The following DGKG variants were observed in gnomAD, a reference collection of about 807,000 sequenced individuals.
DGKG encodes the protein DAG kinase gamma.
A neutral mutation model predicts 105.3 loss-of-function variants in DGKG; 78 were observed. That is an observed-to-expected ratio of 0.74 (90% CI 0.62 to 0.89). The LOEUF is 0.89. DGKG is among the 40% of genes least tolerant of loss of function. DGKG has a pLI of 0.00. For missense variants in DGKG, 958 were observed against 1,020.1 expected (o/e 0.94, Z 0.83); for synonymous variants, 346 against 367.1 (o/e 0.94, Z 0.66).
At chr3:186,166,670 A>G (rs1393512573) in intron 22 of DGKG, among the ~76,000 whole-genome samples, 1 of 151,508 alleles carries the variant, frequency 6.6e-6, no homozygotes, top group Non-Finnish European at 1.5e-5. Flanking sequence ...AGACAGAGAG[A>G]AGGAGGAGGG....
intron 1 of DGKG, among the ~76,000 whole-genome samples, chr3:186,346,064 C>A (rs1282207275): frequency 6.6e-6 from 1 of 152,196 alleles, no homozygotes; most frequent in Non-Finnish European, 1.5e-5. Flanking sequence ...CTGCCCCTCA[C>A]CTTGTATACA....
chr3:186,234,264 G>T (rs1010520085), intron 20 of DGKG, among the ~76,000 whole-genome samples: 4 of 152,174 alleles, frequency 2.6e-5, no homozygotes, highest in African/African-American at 4.8e-5. Flanking sequence ...TCCAGATTCA[G>T]CCTTTTGCTC....
chr3:186,298,241 C>A lies in DGKG; in HGVS notation c.145-12G>T, dbSNP rs1432263658. The A allele has an allele frequency of 1.3e-6, 2 of 1,571,718 alleles. No individual in the cohort carries two copies. The highest frequency in any genetic ancestry group is 2.4e-5 in the South Asian group (2 of 84,554). On this transcript the variant is annotated splice_polypyrimidine_tract_variant and intron_variant, in intron 3 of 24. Coordinates refer to ENST00000265022, the MANE Select transcript of DGKG (RefSeq NM_001346.3). The stretch of plus-strand genomic sequence containing the variant: ...TCATAGCTAATCGGCTGAGAAGGGG[C>A]AAAAGGGCAAAGTCAGTGGAGAGAA...
intron 22 of DGKG, among the ~76,000 whole-genome samples, chr3:186,181,154 G>C (rs1222160503): frequency 6.6e-6 from 1 of 152,220 alleles, no homozygotes; most frequent in Non-Finnish European, 1.5e-5. Flanking sequence ...TTATATGCCT[G>C]TCTGTGGGGT....
intron 1 of DGKG, among the ~76,000 whole-genome samples, chr3:186,357,767 G>A (rs73182216): frequency 0.15 from 23,539 of 152,160 alleles, 2,394 homozygotes; most frequent in African/African-American, 0.29. Context: ...AGTGGAAAAC[G>A]AGACAGACAT....
At chr3:186,189,060 G>T (rs144102719) in intron 21 of DGKG, among the ~76,000 whole-genome samples, 2,475 of 152,138 alleles carry the variant, frequency 0.016, 72 homozygotes, top group African/African-American at 0.057. Flanking sequence ...TGATCCGCCC[G>T]CCTCAGCCTC....
At chr3:186,274,849 C>T (rs948951611) in intron 10 of DGKG, among the ~76,000 whole-genome samples, 1 of 152,020 alleles carries the variant, frequency 6.6e-6, no homozygotes, top group South Asian at 2.1e-4. Flanking sequence ...AATAAACATA[C>T]GTGTGCATGT....
intron 20 of DGKG, among the ~76,000 whole-genome samples, chr3:186,214,500 G>GATATTAT (rs1402732868): frequency 1.3e-5 from 2 of 152,032 alleles, no homozygotes; most frequent in African/African-American, 2.4e-5. Flanking sequence ...TGTAGCTATA[G>GATATTAT]ATATTATATA....
At chr3:186,320,316 T>C in intron 2 of DGKG, 77 bp downstream of exon 2, 1 of 1,569,758 alleles carries the variant, frequency 6.4e-7, no homozygotes, top group Admixed American at 1.7e-5. Flanking sequence ...GCAATGATCA[T>C]ACTGCTATGC....
In DGKG at chr3:186,147,388, A is replaced by G; in HGVS notation, c.*2702T>C. 3.1e-6 allele frequency: 3 copies of G among 979,498 alleles called. No homozygotes were observed. Among genetic ancestry groups the G allele is most frequent in the Non-Finnish European group, 3.6e-6 (3 of 824,194 alleles). 60.7% of individuals were successfully genotyped at this position (979,498 alleles called of 1,614,324 possible). On this transcript the variant is annotated 3_prime_UTR_variant, in exon 25 of 25. Transcript: ENST00000265022. ...TTGTTCTCCTCATTGAGATCGAGAT[A>G]ATAATACCTTCTCTGCTAACCTCAG...
rs1013422617 is a variant in DGKG at position 186,147,315 on chromosome 3, C to A, written c.*2775G>T. 13 of 985,568 alleles carry A rather than the reference C, an allele frequency of 1.3e-5. No individual in the cohort carries two copies. Among genetic ancestry groups the A allele is most frequent in the Non-Finnish European group, 1.6e-5 (13 of 829,830 alleles). The allele number at this position is 985,568 out of a possible 1,614,324, so 61.1% of individuals were successfully genotyped here. On this transcript the variant is annotated 3_prime_UTR_variant, in exon 25 of 25. Coordinates refer to ENST00000265022, the MANE Select transcript of DGKG (RefSeq NM_001346.3). ...ATAAGAAATAAGGGATTAGGTTCTCCCCTGACTAACCATGTGGCTTTGAGA... is the reference window on the plus strand; with the variant it reads ...ATAAGAAATAAGGGATTAGGTTCTCACCTGACTAACCATGTGGCTTTGAGA...
chr3:186,239,427 C>A (rs1293223630), intron 20 of DGKG, among the ~76,000 whole-genome samples: 1 of 152,208 alleles, frequency 6.6e-6, no homozygotes, highest in Non-Finnish European at 1.5e-5. Flanking sequence ...TGCCTTGCGG[C>A]CTTTCCTAAG....
At chr3:186,300,268 G>C (rs1723859376) in intron 3 of DGKG, among the ~76,000 whole-genome samples, 1 of 152,104 alleles carries the variant, frequency 6.6e-6, no homozygotes, top group Non-Finnish European at 1.5e-5. Flanking sequence ...AGAAATTGCT[G>C]TCTACCAGAT....
At chr3:186,256,169 C>T (rs925655294) in intron 17 of DGKG, among the ~76,000 whole-genome samples, 1 of 152,138 alleles carries the variant, frequency 6.6e-6, no homozygotes, top group Admixed American at 6.5e-5. Flanking sequence ...ACTCCAGAGC[C>T]CAAGGTGACA....
chr3:186,274,753 T>C (rs1722498653), intron 10 of DGKG, among the ~76,000 whole-genome samples: 3 of 152,190 alleles, frequency 2.0e-5, no homozygotes, highest in African/African-American at 7.2e-5. Flanking sequence ...TTCTATGGTA[T>C]ATATGTGCCA....
intron 1 of DGKG, among the ~76,000 whole-genome samples, chr3:186,345,653 C>T (rs1038372626): frequency 1.3e-5 from 2 of 152,224 alleles, no homozygotes; most frequent in African/African-American, 4.8e-5. Context: ...CAGACAAACA[C>T]CAGTCTTTTC....
At chr3:186,152,953 C>A (rs953016495) in intron 24 of DGKG, among the ~76,000 whole-genome samples, 13 of 138,890 alleles carry the variant, frequency 9.4e-5, no homozygotes, top group South Asian at 2.4e-4. Flanking sequence ...CCAGCTGCCG[C>A]GCCCGGCCTT....
chr3:186,238,983 A>G (rs1029764926), intron 20 of DGKG, among the ~76,000 whole-genome samples: 11 of 152,206 alleles, frequency 7.2e-5, no homozygotes, highest in Non-Finnish European at 2.9e-5. Flanking sequence ...TTGGGAGTAT[A>G]GGTTCCTTTA....
rs775498146 is a variant in DGKG, at chr3:186,268,827, G to T, written c.1090C>A (p.Arg364=). ...GTCATCCGGCACCACACGCAGTGCCGCGCGGTGACACTCTGGTAGCACTTG... is the reference window on the plus strand; with the variant it reads ...GTCATCCGGCACCACACGCAGTGCCTCGCGGTGACACTCTGGTAGCACTTG... ...SIKCYQSVTA[R]HCVWCRMTFH... The change falls in exon 12 of 25, where the codon CGG becomes AGG. Residue 364 remains arginine, a synonymous_variant. Transcript: ENST00000265022. 3 of 1,613,610 alleles carry T rather than the reference G, an allele frequency of 1.9e-6. No individual in the cohort carries two copies. In the South Asian group the frequency reaches 3.3e-5, roughly 18 times the overall value.
Sources: allele counts gnomAD v4.1 joint callset (sites outside exome capture counted in the v4.1 genomes callset), GRCh38; gene constraint gnomAD v4.1.1; transcripts MANE v1.5; gene names NCBI Gene and HGNC (gene_info 2026-07-23, HGNC 2026-07-21).